The following SFXN5 variants were observed in gnomAD, a reference collection of about 807,000 sequenced individuals.
SFXN5 encodes sideroflexin-5.
Under a neutral mutation model 50.2 loss-of-function variants are expected in SFXN5, and 43 were observed. That is an observed-to-expected ratio of 0.86 (90% CI 0.67 to 1.11). The LOEUF (loss-of-function observed/expected upper bound fraction) is 1.11. Among genes scored for constraint, SFXN5 ranks in the 50% least tolerant of loss-of-function variants. The probability of loss-of-function intolerance (pLI) is 0.00; values close to 1 mark genes in which losing one functional copy is unlikely to be tolerated. For missense variants in SFXN5, 463 were observed against 454.1 expected, an observed-to-expected ratio of 1.02 and a Z score of -0.18; for synonymous variants, 203 against 185.8, an observed-to-expected ratio of 1.09 and a Z score of -0.75.
chr2:73,069,104 A>G (rs2106078321), intron 1 of SFXN5, among the ~76,000 whole-genome samples: 1 of 152,280 alleles, frequency 6.6e-6, no homozygotes, highest in East Asian at 1.9e-4. Flanking sequence ...GGGCCCCTTC[A>G]GAAGTGAGGT....
intron 13 of SFXN5, among the ~76,000 whole-genome samples, chr2:72,947,340 C>T (rs1250666730): frequency 6.6e-6 from 1 of 152,244 alleles, no homozygotes; most frequent in Non-Finnish European, 1.5e-5. Context: ...ACCACATCAG[C>T]CCCGATGTTG....
At chr2:72,971,340 G>C (rs929909570) in intron 11 of SFXN5, among the ~76,000 whole-genome samples, 1 of 150,548 alleles carries the variant, frequency 6.6e-6, no homozygotes, top group South Asian at 2.2e-4. Flanking sequence ...GAGGGGCTGC[G>C]ATAAGAGACA....
intron 12 of SFXN5, among the ~76,000 whole-genome samples, chr2:72,962,991 G>T (rs532313428): frequency 6.6e-6 from 1 of 152,174 alleles, no homozygotes; most frequent in African/African-American, 2.4e-5. Context: ...GCCCATGCCC[G>T]CCTGGACTTC....
chr2:73,052,070 A>AATTAAGAAATTTGAGC (rs1681403424), intron 2 of SFXN5, among the ~76,000 whole-genome samples: 1 of 152,068 alleles, frequency 6.6e-6, no homozygotes, highest in South Asian at 2.1e-4. Flanking sequence ...TTAATGCTCA[A>AATTAAGAAATTTGAGC]ATTGTCCCAA....
At chr2:73,058,372 C>G (rs976630471) in intron 2 of SFXN5, 156 bp downstream of exon 2, 2 of 628,354 alleles carry the variant, frequency 3.2e-6, no homozygotes, top group Admixed American at 5.4e-5. Flanking sequence ...CATAAACAGA[C>G]AGCTACAGGT....
In SFXN5 at chr2:72,945,267, C is replaced by T. The variant is rs1671809097; in HGVS notation, c.946-168G>A. On this transcript the variant is annotated intron_variant, in intron 13 of 13. Transcript: ENST00000272433. The surrounding 1 kb of genome is among the most constrained non-coding windows in gnomAD (Gnocchi z 5.8). ...CTACCTAGTGACACATCTTCCTTCT[C>T]CACCGCCCTCCCGCCGCGGGGCTCA... 6.6e-6 allele frequency among the ~76,000 whole-genome samples: 1 copy of T among 152,134 alleles called. No homozygotes were observed. Among genetic ancestry groups the T allele is most frequent in the Admixed American group, 6.5e-5 (1 of 15,280 alleles).
intron 12 of SFXN5, among the ~76,000 whole-genome samples, chr2:72,967,007 A>G (rs1674493560): frequency 6.6e-6 from 1 of 152,228 alleles, no homozygotes; most frequent in African/African-American, 2.4e-5. Flanking sequence ...TGAATATGCA[A>G]GAGGCAGCCA....
At chr2:72,968,401 C>T (rs1271108373) in intron 12 of SFXN5, 47 bp downstream of exon 12, 1 of 1,570,000 alleles carries the variant, frequency 6.4e-7, no homozygotes, top group Admixed American at 1.7e-5. Flanking sequence ...CTCCCTCTCC[C>T]CCTCCTCCCC....
rs747908662 is a variant in SFXN5 at position 73,071,646 on chromosome 2, G to C, written c.60C>G (p.Ser20Arg). The change falls in exon 1 of 14, where the codon AGC (serine) becomes AGG (arginine). Residue 20 changes from serine (S) to arginine (R), a missense_variant. Ser to Arg is a moderately radical substitution (Grantham distance 110). Coordinates refer to ENST00000272433, the MANE Select transcript of SFXN5 (RefSeq NM_144579.3). ...TGCCCAGTTGGAAAGGAGGTGCATCGCTCGAGGCGCTAGCGGCACTAGCCG... is the reference window on the plus strand; with the variant it reads ...TGCCCAGTTGGAAAGGAGGTGCATCCCTCGAGGCGCTAGCGGCACTAGCCG... ...AAAASAASAS[S>R]DAPPFQLGKP... The C allele has an allele frequency of 1.9e-6, 3 of 1,613,490 alleles. No homozygotes were observed.
intron 9 of SFXN5, among the ~76,000 whole-genome samples, chr2:72,990,101 G>A (rs933160462): frequency 6.6e-6 from 1 of 152,246 alleles, no homozygotes; most frequent in Non-Finnish European, 1.5e-5. Flanking sequence ...CCCAGGCTGC[G>A]ACTGTGAGAC....
chr2:72,988,218 C>T (rs200111418), intron 10 of SFXN5, 40 bp downstream of exon 10: 4 of 1,584,096 alleles, frequency 2.5e-6, no homozygotes, highest in African/African-American at 1.3e-5. Context: ...GTCCCCCACA[C>T]CCACCCACAG....
chr2:72,992,916 C>T lies in SFXN5; in HGVS notation c.535-4568G>A, dbSNP rs1269872421. ...TCTGGCTACCTGTATGAGGAGGTGC[C>T]GTGAGGGAGTGGGCCCAAGGGTCAT... On this transcript the variant is annotated intron_variant, in intron 9 of 13. Coordinates refer to ENST00000272433, the MANE Select transcript of SFXN5 (RefSeq NM_144579.3). The surrounding 1 kb of genome is among the most constrained non-coding windows in gnomAD (Gnocchi z 4.5). Among the ~76,000 whole-genome samples the T allele has an allele frequency of 6.6e-6, 1 of 152,054 alleles. No homozygotes were observed. The highest frequency in any genetic ancestry group is 1.5e-5 in the Non-Finnish European group (1 of 68,012).
chr2:73,006,759 C>A (rs148414036), intron 6 of SFXN5, among the ~76,000 whole-genome samples: 9 of 152,286 alleles, frequency 5.9e-5, no homozygotes, highest in African/African-American at 2.2e-4. Context: ...TCTTTCTAGT[C>A]CAAAATTCTG....
At chr2:72,976,672 C>T in intron 10 of SFXN5, among the ~76,000 whole-genome samples, 1 of 152,172 alleles carries the variant, frequency 6.6e-6, no homozygotes, top group East Asian at 1.9e-4. Context: ...GGCTTAGACT[C>T]CAACTCTGTG....
intron 6 of SFXN5, among the ~76,000 whole-genome samples, chr2:73,016,941 GT>G (rs772020121): frequency 6.6e-6 from 1 of 152,120 alleles, no homozygotes; most frequent in African/African-American, 2.4e-5. Context: ...TGTAGTATGG[GT>G]TGTTTACCCC....
chr2:73,070,498 T>C (rs1574285114), intron 1 of SFXN5: 1 of 152,388 alleles, frequency 6.6e-6, no homozygotes, highest in Non-Finnish European at 1.5e-5. Flanking sequence ...AGTTCTTTTC[T>C]GGCCGCCTCG....
chr2:73,057,519 A>G (rs958332849), intron 2 of SFXN5, among the ~76,000 whole-genome samples: 3 of 152,234 alleles, frequency 2.0e-5, no homozygotes, highest in Non-Finnish European at 4.4e-5. Context: ...CATTCTGGAA[A>G]CAGCAAAACA....
At chr2:73,049,419 T>C (rs1680955346) in intron 2 of SFXN5, 1 of 152,310 alleles carries the variant, frequency 6.6e-6, no homozygotes, top group Admixed American at 6.5e-5. Flanking sequence ...ACCCAGCTAA[T>C]TTTTGAAAAA....
At chr2:73,059,446 A>G (rs768172673) in intron 1 of SFXN5, 14 of 985,290 alleles carry the variant, frequency 1.4e-5, no homozygotes, top group Admixed American at 1.2e-4. Context: ...CATCCTTTGC[A>G]CAGTGGAGGA....
Sources: gnomAD v4.1 joint callset for allele counts (sites outside exome capture counted in the v4.1 genomes callset) on GRCh38, gnomAD v4.1.1 for gene constraint, Gnocchi (gnomAD v3.1) non-coding constraint, MANE v1.5 for transcripts, NCBI Gene and HGNC (gene_info 2026-07-23, HGNC 2026-07-21) for gene names.